Variants in FAM169A observed in about 807,000 individuals in gnomAD.
FAM169A encodes the protein soluble lamin-associated protein of 75 kDa.
In FAM169A, 24 loss-of-function variants were observed where a neutral mutation model predicts 75.7. The ratio of observed to expected loss-of-function variants is 0.32; its 90% CI spans 0.23 to 0.45. The LOEUF (loss-of-function observed/expected upper bound fraction) is 0.45, where lower values mean the gene tolerates loss of function less well. Ranked by LOEUF, FAM169A falls within the 20% of genes least tolerant of loss-of-function variation. The pLI, the probability that FAM169A is intolerant of heterozygous loss-of-function variation, is 1.00. For missense variants in FAM169A, 673 were observed against 784.0 expected (o/e 0.86, Z 1.69); for synonymous variants, 271 against 271.0 (o/e 1.00, Z 0.00).
intron 11 of FAM169A, among the ~76,000 whole-genome samples, chr5:74,785,144 C>A (rs911947517): frequency 2.0e-5 from 3 of 151,678 alleles, no homozygotes; most frequent in Non-Finnish European, 4.4e-5. Flanking sequence ...GATGGTGAAA[C>A]CCCATCTCTA....
chr5:74,788,356 G>A (rs1745801901), intron 11 of FAM169A, among the ~76,000 whole-genome samples: 1 of 152,164 alleles, frequency 6.6e-6, no homozygotes, highest in Admixed American at 6.5e-5. Context: ...TGGGGTGAGG[G>A]CTATTATGGT....
intron 5 of FAM169A, among the ~76,000 whole-genome samples, chr5:74,830,123 T>G (rs1474306980): frequency 6.6e-6 from 1 of 152,100 alleles, no homozygotes; most frequent in Non-Finnish European, 1.5e-5. Flanking sequence ...CAGCACAATA[T>G]TAGAAAAATT....
chr5:74,807,074 T>A (rs1326362823), intron 6 of FAM169A, among the ~76,000 whole-genome samples: 1 of 152,232 alleles, frequency 6.6e-6, no homozygotes, highest in Non-Finnish European at 1.5e-5. Context: ...ATTCTACTTC[T>A]AGGTATAAAC....
In FAM169A at chr5:74,857,549, GA is replaced by G. The variant is rs1188693021; in HGVS notation, c.-4+8615del. Among the ~76,000 whole-genome samples, 3 of 117,364 alleles carry G rather than the reference GA, an allele frequency of 2.6e-5. No homozygotes were observed. The East Asian group carries it at 9.0e-4, about 35-fold the overall frequency. The allele number at this position is 117,364 out of a possible 152,430, so 77.0% of individuals were successfully genotyped here. ...TGCACCACTGCACTCCAGTCTGGGT[GA>G]CAGAGCCAGACCTTGCCGCGGGAAA... On this transcript the variant is annotated intron_variant, in intron 1 of 12. Coordinates refer to ENST00000687041, the MANE Select transcript of FAM169A (RefSeq NM_001376049.1).
chr5:74,841,488 A>C, intron 2 of FAM169A, 57 bp downstream of exon 2: 1 of 1,313,174 alleles, frequency 7.6e-7, no homozygotes, highest in South Asian at 1.7e-5. Context: ...AAGGATATTT[A>C]TTTCATGTAT....
intron 1 of FAM169A, among the ~76,000 whole-genome samples, chr5:74,846,974 T>A (rs917194687): frequency 6.6e-6 from 1 of 152,118 alleles, no homozygotes; most frequent in African/African-American, 2.4e-5. Context: ...CTTTCCTCTA[T>A]CCCAGTGTTG....
chr5:74,792,370 G>A (rs534292871), intron 11 of FAM169A, among the ~76,000 whole-genome samples: 1 of 152,270 alleles, frequency 6.6e-6, no homozygotes, highest in East Asian at 1.9e-4. Flanking sequence ...TCAGCTGCCA[G>A]CATGGCCAGA....
At chr5:74,834,380 T>A in intron 5 of FAM169A, 46 bp downstream of exon 5, 1 of 1,242,376 alleles carries the variant, frequency 8.0e-7, no homozygotes, top group Non-Finnish European at 1.1e-6. Context: ...GGGTCTAAAA[T>A]AGAGATTTCC....
intron 5 of FAM169A, among the ~76,000 whole-genome samples, chr5:74,824,501 T>G (rs1747916283): frequency 1.3e-5 from 2 of 152,294 alleles, no homozygotes; most frequent in South Asian, 4.1e-4. Flanking sequence ...AGATAGTCCT[T>G]ATCATTCCAG....
At chr5:74,800,786 T>G in intron 10 of FAM169A, 94 bp downstream of exon 10, 1 of 391,982 alleles carries the variant, frequency 2.6e-6, no homozygotes, top group Non-Finnish European at 3.9e-6. Context: ...ATAGTATATA[T>G]TATATATAAA....
At chr5:74,843,895 T>C (rs930501377) in intron 1 of FAM169A, among the ~76,000 whole-genome samples, 14 of 152,198 alleles carry the variant, frequency 9.2e-5, no homozygotes, top group Non-Finnish European at 2.1e-4. Context: ...GGCTAACCAA[T>C]GTTACTGAAA....
chr5:74,795,254 G>T (rs956470620), intron 11 of FAM169A, among the ~76,000 whole-genome samples: 1 of 152,042 alleles, frequency 6.6e-6, no homozygotes, highest in Non-Finnish European at 1.5e-5. Context: ...GCAAAACTCC[G>T]TCTCAAAAAG....
intron 11 of FAM169A, among the ~76,000 whole-genome samples, chr5:74,786,655 A>T (rs1745709641): frequency 6.6e-6 from 1 of 152,180 alleles, no homozygotes; most frequent in African/African-American, 2.4e-5. Flanking sequence ...ACAATGATGA[A>T]CTCAGGGATT....
In FAM169A at chr5:74,781,358, G is replaced by C; in HGVS notation, c.*102C>G. On this transcript the variant is annotated 3_prime_UTR_variant, in exon 13 of 13. Coordinates refer to ENST00000687041, the MANE Select transcript of FAM169A (RefSeq NM_001376049.1). ...TAAGTAAGTTCAAATTGAAATTTTG[G>C]AAATTTTTGTCCTGTGCCCCATGCT... is the stretch of plus-strand genomic sequence containing the variant. 1 of 1,179,946 alleles carries C rather than the reference G, an allele frequency of 8.5e-7. No individual in the cohort carries two copies. Among genetic ancestry groups the C allele is most frequent in the Non-Finnish European group, 1.2e-6 (1 of 841,864 alleles). The allele number at this position is 1,179,946 out of a possible 1,614,324, so 73.1% of individuals were successfully genotyped here.
chr5:74,830,517 A>G (rs16872303), intron 5 of FAM169A, among the ~76,000 whole-genome samples: 3,653 of 152,300 alleles, frequency 0.024, 148 homozygotes, highest in African/African-American at 0.084. Context: ...GGAAGGTGCC[A>G]ATAGACACAG....
At chr5:74,787,169 G>A (rs1267424418) in intron 11 of FAM169A, among the ~76,000 whole-genome samples, 1 of 152,194 alleles carries the variant, frequency 6.6e-6, no homozygotes, top group Non-Finnish European at 1.5e-5. Context: ...ACAGGTGTGG[G>A]AACGGATGTT....
chr5:74,852,334 T>C (rs1749486823), intron 1 of FAM169A, among the ~76,000 whole-genome samples: 1 of 152,168 alleles, frequency 6.6e-6, no homozygotes, highest in African/African-American at 2.4e-5. Flanking sequence ...TTAACCTGCT[T>C]GTGCTACTCT....
chr5:74,834,729 G>T, intron 4 of FAM169A, 132 bp from the exon 5 acceptor site: 1 of 577,060 alleles, frequency 1.7e-6, no homozygotes. Context: ...AAAAAAATTT[G>T]CAAAACATTT....
intron 1 of FAM169A, among the ~76,000 whole-genome samples, chr5:74,857,835 G>A (rs1327854594): frequency 6.6e-6 from 1 of 151,980 alleles, no homozygotes; most frequent in Non-Finnish European, 1.5e-5. Flanking sequence ...ACTTCTCTCT[G>A]CCCATTGTAA....
Sources: allele counts gnomAD v4.1 joint callset (sites outside exome capture counted in the v4.1 genomes callset), GRCh38; gene constraint gnomAD v4.1.1; transcripts MANE v1.5; gene names NCBI Gene and HGNC (gene_info 2026-07-23, HGNC 2026-07-21).